The following SNTG1 variants were observed in gnomAD, a reference collection of about 807,000 sequenced individuals.
SNTG1 encodes the protein syntrophin gamma 1.
A neutral mutation model predicts 74.7 loss-of-function variants in SNTG1; 39 were observed. The ratio of observed to expected loss-of-function variants is 0.52; its 90% CI spans 0.40 to 0.68. The LOEUF (loss-of-function observed/expected upper bound fraction) is 0.68. Among genes scored for constraint, SNTG1 ranks in the 30% least tolerant of loss-of-function variants. The probability of loss-of-function intolerance (pLI) is 0.00; values close to 1 mark genes in which losing one functional copy is unlikely to be tolerated. For missense variants in SNTG1, 685 were observed against 609.5 expected (o/e 1.12, Z -1.30); for synonymous variants, 254 against 217.1 (o/e 1.17, Z -1.49).
intron 18 of SNTG1, among the ~76,000 whole-genome samples, chr8:50,772,172 C>A (rs1327343511): frequency 6.6e-6 from 1 of 152,034 alleles, no homozygotes; most frequent in Non-Finnish European, 1.5e-5. Flanking sequence ...ATGTAATGCC[C>A]ACCTAGGAAA....
chr8:50,768,427 A>C lies in SNTG1; in HGVS notation c.1395+16316A>C. On this transcript the variant is annotated intron_variant, in intron 18 of 18. Coordinates refer to ENST00000642720, the MANE Select transcript of SNTG1 (RefSeq NM_018967.5). ...TCAGTTTTTCAAAGCTCCTGACTGA[A>C]GAATTCATGATGTGTTGATGTTTGG... is the stretch of plus-strand genomic sequence containing the variant. Among the ~76,000 whole-genome samples, 2 of 152,044 alleles carry C rather than the reference A, an allele frequency of 1.3e-5. 1 individual carries two copies. Among genetic ancestry groups the C allele is most frequent in the Non-Finnish European group, 2.9e-5 (2 of 67,964 alleles).
chr8:50,265,725 G>T (rs1025143429), intron 2 of SNTG1, among the ~76,000 whole-genome samples: 1 of 151,634 alleles, frequency 6.6e-6, no homozygotes, highest in African/African-American at 2.4e-5. Context: ...AAAATCCTAG[G>T]ATCTACAAAA....
chr8:50,233,268 A>G (rs1336618508), intron 2 of SNTG1, among the ~76,000 whole-genome samples: 3 of 151,678 alleles, frequency 2.0e-5, no homozygotes, highest in Admixed American at 6.6e-5. Flanking sequence ...AAAAATGACC[A>G]AGTGATTTTT....
intron 10 of SNTG1, among the ~76,000 whole-genome samples, chr8:50,535,114 A>T (rs1207299552): frequency 6.6e-6 from 1 of 152,210 alleles, no homozygotes; most frequent in African/African-American, 2.4e-5. Flanking sequence ...TGAAAATAGT[A>T]TGGAGCCATT....
intron 2 of SNTG1, among the ~76,000 whole-genome samples, chr8:50,280,386 A>G (rs377369811): frequency 6.6e-6 from 1 of 152,352 alleles, no homozygotes; most frequent in East Asian, 1.9e-4. Context: ...AAATGTCTCA[A>G]TGTTCCAGTG....
chr8:50,614,469 T>TA (rs554466621), intron 13 of SNTG1, among the ~76,000 whole-genome samples: 1 of 151,748 alleles, frequency 6.6e-6, no homozygotes, highest in Non-Finnish European at 1.5e-5. Context: ...TTACTTTATC[T>TA]AAAAAAAAGA....
intron 5 of SNTG1, among the ~76,000 whole-genome samples, chr8:50,440,804 A>G (rs753399536): frequency 5.3e-5 from 8 of 152,190 alleles, no homozygotes; most frequent in African/African-American, 1.2e-4. Context: ...CTGAAAAGCC[A>G]TTTACCAATG....
At chr8:50,316,329 G>A (rs543460065) in intron 2 of SNTG1, among the ~76,000 whole-genome samples, 21 of 152,200 alleles carry the variant, frequency 1.4e-4, no homozygotes, top group East Asian at 3.9e-4. Flanking sequence ...ATGTCATACC[G>A]TGTGACCACA....
chr8:49,917,599 A>G (rs1337337761), intron 1 of SNTG1, among the ~76,000 whole-genome samples: 3 of 152,142 alleles, frequency 2.0e-5, no homozygotes, highest in African/African-American at 7.2e-5. Context: ...AGACTAGTCT[A>G]TGCACATGGC....
chr8:50,019,331 G>GGAC (rs1816617913), intron 1 of SNTG1, among the ~76,000 whole-genome samples: 4 of 152,158 alleles, frequency 2.6e-5, no homozygotes, highest in African/African-American at 9.6e-5. Flanking sequence ...AGTCTTGAGA[G>GGAC]TGGTTTTCAG....
intron 9 of SNTG1, among the ~76,000 whole-genome samples, chr8:50,510,393 C>T (rs1341919103): frequency 2.0e-5 from 3 of 152,172 alleles, no homozygotes; most frequent in Non-Finnish European, 4.4e-5. Context: ...TGTCGTGTCT[C>T]TGCCAGCCTT....
chr8:50,671,732 G>A (rs929541121), intron 15 of SNTG1, among the ~76,000 whole-genome samples: 3 of 151,882 alleles, frequency 2.0e-5, no homozygotes, highest in African/African-American at 7.3e-5. Context: ...CTGCTATAAA[G>A]ACACATGCAC....
At chr8:50,085,154 T>G (rs532354340) in intron 1 of SNTG1, among the ~76,000 whole-genome samples, 2 of 152,334 alleles carry the variant, frequency 1.3e-5, no homozygotes, top group East Asian at 3.9e-4. Context: ...AGAATTTAGA[T>G]AAAGCCTCTT....
At chr8:50,659,158 A>G (rs981878076) in intron 15 of SNTG1, among the ~76,000 whole-genome samples, 3 of 152,194 alleles carry the variant, frequency 2.0e-5, no homozygotes, top group African/African-American at 7.2e-5. Context: ...TTGCATATGT[A>G]AAAGAACATT....
intron 13 of SNTG1, among the ~76,000 whole-genome samples, chr8:50,628,715 A>G (rs2094974745): frequency 6.6e-6 from 1 of 151,960 alleles, no homozygotes; most frequent in South Asian, 2.1e-4. Context: ...TTACTCTCTT[A>G]CTTGTGGTCT....
intron 2 of SNTG1, among the ~76,000 whole-genome samples, chr8:50,213,779 T>C (rs1411593138): frequency 6.6e-6 from 1 of 152,050 alleles, no homozygotes; most frequent in Non-Finnish European, 1.5e-5. Flanking sequence ...CGGGGTTGTC[T>C]GTTTTTTTCT....
intron 1 of SNTG1, among the ~76,000 whole-genome samples, chr8:49,954,444 G>A (rs1809983535): frequency 6.6e-6 from 1 of 152,118 alleles, no homozygotes; most frequent in African/African-American, 2.4e-5. Flanking sequence ...CTGCTATTTA[G>A]AGGAGAAAGG....
intron 8 of SNTG1, among the ~76,000 whole-genome samples, chr8:50,474,479 C>T (rs1322361921): frequency 1.3e-5 from 2 of 151,968 alleles, no homozygotes; most frequent in African/African-American, 2.4e-5. Flanking sequence ...TGAAAAAATG[C>T]TCATCATCAC....
chr8:50,173,190 A>G (rs1032951276), intron 2 of SNTG1, among the ~76,000 whole-genome samples: 3 of 152,208 alleles, frequency 2.0e-5, no homozygotes, highest in Non-Finnish European at 4.4e-5. Flanking sequence ...AAATTCCTTC[A>G]GGAAGGGAGT....
Sources: gnomAD v4.1 joint callset for allele counts (sites outside exome capture counted in the v4.1 genomes callset) on GRCh38, gnomAD v4.1.1 for gene constraint, MANE v1.5 for transcripts, NCBI Gene and HGNC (gene_info 2026-07-23, HGNC 2026-07-21) for gene names.